The following GALNT7 variants were observed in gnomAD, a reference collection of about 807,000 sequenced individuals.
GALNT7 encodes the protein polypeptide N-acetylgalactosaminyltransferase 7, also known as N-acetylgalactosaminyltransferase 7.
Under a neutral mutation model 82.1 loss-of-function variants are expected in GALNT7, and 60 were observed. The observed-to-expected ratio is 0.73, with a 90% CI of 0.59 to 0.91. The LOEUF is 0.91. Among genes scored for constraint, GALNT7 ranks in the 40% least tolerant of loss-of-function variants. GALNT7 has a pLI of 0.00. For missense variants in GALNT7, 660 were observed against 804.2 expected (o/e 0.82, Z 2.17); for synonymous variants, 243 against 275.1 (o/e 0.88, Z 1.15).
rs781685538 is a variant in GALNT7 at position 173,292,197 on chromosome 4, C to G, written c.677C>G (p.Thr226Arg). 1.2e-6 allele frequency: 2 copies of G among 1,601,124 alleles called. No individual in the cohort carries two copies. Among genetic ancestry groups the G allele is most frequent in the Non-Finnish European group, 1.7e-6 (2 of 1,170,852 alleles). ...GAAGGATGGTCAACCCTCATGAGAA[C>G]AGTCCACAGTGTAATTAAAAGGACT... ...HNEGWSTLMR[T>R]VHSVIKRTPR... The change falls in exon 3 of 12, where the codon ACA (threonine) becomes AGA (arginine). Residue 226 changes from threonine to arginine, a missense_variant. Physicochemically the swap from Thr to Arg is moderately conservative, Grantham distance 71. Around this residue, in one of 2 missense-constraint regions of GALNT7, gnomAD observed 527 missense variants for 683.5 expected, o/e 0.77. Coordinates refer to ENST00000265000, the MANE Select transcript of GALNT7 (RefSeq NM_017423.3). This position sits in a 1 kb window ranked among gnomAD's most constrained non-coding sequence, Gnocchi z 4.8.
At chr4:173,220,074 G>A (rs1211679661) in intron 1 of GALNT7, among the ~76,000 whole-genome samples, 1 of 152,094 alleles carries the variant, frequency 6.6e-6, no homozygotes, top group African/African-American at 2.4e-5. Flanking sequence ...GCCTAACAAA[G>A]CTATTGTCTA....
intron 1 of GALNT7, among the ~76,000 whole-genome samples, chr4:173,193,796 A>G (rs1732694743): frequency 6.6e-6 from 1 of 152,168 alleles, no homozygotes; most frequent in South Asian, 2.1e-4. Context: ...CATTTTTAAT[A>G]TCCTTTCTAA....
At chr4:173,293,056 A>G (rs1481456891) in intron 3 of GALNT7, among the ~76,000 whole-genome samples, 1 of 152,172 alleles carries the variant, frequency 6.6e-6, no homozygotes, top group Non-Finnish European at 1.5e-5. Flanking sequence ...TTGGTACAAT[A>G]ATAATTGAGA....
intron 1 of GALNT7, among the ~76,000 whole-genome samples, chr4:173,210,067 G>A (rs1733224700): frequency 6.6e-6 from 1 of 152,016 alleles, no homozygotes; most frequent in Admixed American, 6.5e-5. Context: ...CCGGGAGGCC[G>A]AGGTTGCAGT....
At chr4:173,173,911 G>A (rs1429844394) in intron 1 of GALNT7, among the ~76,000 whole-genome samples, 1 of 152,160 alleles carries the variant, frequency 6.6e-6, no homozygotes, top group Non-Finnish European at 1.5e-5. Flanking sequence ...GATTACCCTG[G>A]CAGTCAAGTT....
intron 1 of GALNT7, among the ~76,000 whole-genome samples, chr4:173,189,756 A>G (rs1162053165): frequency 2.6e-5 from 4 of 152,064 alleles, no homozygotes. Context: ...TATCTTCAAC[A>G]TTTTTACTCC....
chr4:173,281,093 C>G (rs1434517969), intron 2 of GALNT7, among the ~76,000 whole-genome samples: 1 of 152,166 alleles, frequency 6.6e-6, no homozygotes, highest in African/African-American at 2.4e-5. Context: ...CTCTTTTCCT[C>G]TCTTCCTTTT....
At chr4:173,254,170 G>A (rs1477033195) in intron 2 of GALNT7, among the ~76,000 whole-genome samples, 2 of 152,170 alleles carry the variant, frequency 1.3e-5, no homozygotes. Context: ...CTATGCACAT[G>A]TTAGTAAGAT....
At chr4:173,195,366 A>C (rs1428145404) in intron 1 of GALNT7, among the ~76,000 whole-genome samples, 1 of 152,130 alleles carries the variant, frequency 6.6e-6, no homozygotes, top group Non-Finnish European at 1.5e-5. Context: ...GGCTACTTTG[A>C]AGTGCAATTC....
At chr4:173,196,536 G>A (rs748523876) in intron 1 of GALNT7, among the ~76,000 whole-genome samples, 11 of 152,204 alleles carry the variant, frequency 7.2e-5, no homozygotes, top group Non-Finnish European at 1.0e-4. Context: ...TTGGTAACGT[G>A]AAGTTTTTTT....
At chr4:173,227,058 G>A (rs1733855715) in intron 1 of GALNT7, among the ~76,000 whole-genome samples, 2 of 152,052 alleles carry the variant, frequency 1.3e-5, no homozygotes, top group South Asian at 4.1e-4. Flanking sequence ...TTAATATGTG[G>A]TTAAAAGCCA....
At chr4:173,285,699 G>A in intron 2 of GALNT7, among the ~76,000 whole-genome samples, 1 of 152,160 alleles carries the variant, frequency 6.6e-6, no homozygotes, top group East Asian at 1.9e-4. Context: ...TATATCACAT[G>A]TATGACTACA....
At chr4:173,240,504 G>A (rs1734392819) in intron 1 of GALNT7, among the ~76,000 whole-genome samples, 1 of 151,896 alleles carries the variant, frequency 6.6e-6, no homozygotes, top group Non-Finnish European at 1.5e-5. Context: ...GAGTAGCTGG[G>A]ATTACAGGCA....
intron 1 of GALNT7, among the ~76,000 whole-genome samples, chr4:173,225,933 G>T (rs1733812235): frequency 6.6e-6 from 1 of 152,098 alleles, no homozygotes; most frequent in African/African-American, 2.4e-5. Flanking sequence ...CTGGAGCTAG[G>T]GTAGTTGTTC....
chr4:173,185,915 A>T (rs1380270504), intron 1 of GALNT7, among the ~76,000 whole-genome samples: 1 of 152,236 alleles, frequency 6.6e-6, no homozygotes, highest in Non-Finnish European at 1.5e-5. Context: ...AAAAACTCAA[A>T]CACATCCTTA....
intron 1 of GALNT7, among the ~76,000 whole-genome samples, chr4:173,207,068 C>A (rs1473962712): frequency 6.6e-6 from 1 of 152,172 alleles, no homozygotes; most frequent in African/African-American, 2.4e-5. Flanking sequence ...GCTCTCTTCA[C>A]CTGTGTTGTC....
rs577907522 is a variant in GALNT7, at chr4:173,306,123, TTTA to T, written c.1389+2008_1389+2010del. The stretch of plus-strand genomic sequence containing the variant: ...GTAGATTTTTTCACCTCCTAAATAT[TTTA>T]TTGTTTTGCTTAGCTATTGTAAATC... On this transcript the variant is annotated intron_variant, in intron 8 of 11. Coordinates refer to ENST00000265000, the MANE Select transcript of GALNT7 (RefSeq NM_017423.3). 4.7e-4 allele frequency among the ~76,000 whole-genome samples: 71 copies of T among 152,272 alleles called. No individual in the cohort carries two copies. In the South Asian group the frequency reaches 6.8e-3, roughly 15 times the overall value.
intron 2 of GALNT7, among the ~76,000 whole-genome samples, chr4:173,252,470 A>G (rs1229260837): frequency 6.6e-6 from 1 of 152,180 alleles, no homozygotes; most frequent in African/African-American, 2.4e-5. Context: ...GTCTTTGTAG[A>G]TGAATGTTCT....
intron 1 of GALNT7, among the ~76,000 whole-genome samples, chr4:173,201,708 T>G (rs919621616): frequency 6.6e-6 from 1 of 152,330 alleles, no homozygotes; most frequent in East Asian, 1.9e-4. Flanking sequence ...ACCTTTTTTT[T>G]CTAGTAACTG....
Sources: gnomAD v4.1 joint callset for allele counts (sites outside exome capture counted in the v4.1 genomes callset) on GRCh38, gnomAD v4.1.1 for gene constraint, gnomAD v4.1.1 regional missense constraint, Gnocchi (gnomAD v3.1) non-coding constraint, MANE v1.5 for transcripts, NCBI Gene and HGNC (gene_info 2026-07-23, HGNC 2026-07-21) for gene names.